The following PPP1R15B variants were observed in gnomAD, a reference collection of about 807,000 sequenced individuals.
The protein encoded by PPP1R15B is protein phosphatase 1, regulatory (inhibitor) subunit 15B.
Under a neutral mutation model 53.9 loss-of-function variants are expected in PPP1R15B, and 31 were observed. The observed-to-expected ratio is 0.58, with a 90% CI of 0.43 to 0.78. The LOEUF (loss-of-function observed/expected upper bound fraction) is 0.78. PPP1R15B is among the 30% of genes least tolerant of loss of function. The pLI is 0.00. For synonymous variants in PPP1R15B, 345 were observed against 329.1 expected (o/e 1.05, Z -0.52); for missense variants, 928 against 849.6 (o/e 1.09, Z -1.15).
rs1674226010 is a variant in PPP1R15B, at chr1:204,404,262, T to A, written c.*1830A>T. On this transcript the variant is annotated 3_prime_UTR_variant, in exon 2 of 2. Coordinates refer to ENST00000367188, the MANE Select transcript of PPP1R15B (RefSeq NM_032833.5). ...ACTTTGAGAGGCCGAGGCGGGCGGA[T>A]CACGAGGTCAGCAGTTCAAGACCAG... 2 of 967,640 alleles carry A rather than the reference T, an allele frequency of 2.1e-6. No individual in the cohort carries two copies. Among genetic ancestry groups the A allele is most frequent in the Non-Finnish European group, 2.5e-6 (2 of 814,006 alleles). The allele number at this position is 967,640 out of a possible 1,614,324, so 59.9% of individuals were successfully genotyped here.
Position 204,404,980 on chromosome 1 carries a change from C to A in PPP1R15B, c.*1112G>T, listed in dbSNP as rs187730109. 4.9e-5 allele frequency: 48 copies of A among 984,698 alleles called. No individual in the cohort carries two copies. Among genetic ancestry groups the A allele is most frequent in the Non-Finnish European group, 1.6e-5 (13 of 828,884 alleles). The allele number at this position is 984,698 out of a possible 1,614,324, so 61.0% of individuals were successfully genotyped here. A position where few individuals can be genotyped will look rare whatever the true frequency, so the allele number is the denominator to read the frequency against. On this transcript the variant is annotated 3_prime_UTR_variant, in exon 2 of 2. Coordinates refer to ENST00000367188, the MANE Select transcript of PPP1R15B (RefSeq NM_032833.5). ...GTAAAGGCCTTGCCATTACTTCTCTCATTATTAAATAGTAGGACACAATAA... is the reference window on the plus strand; with the variant it reads ...GTAAAGGCCTTGCCATTACTTCTCTAATTATTAAATAGTAGGACACAATAA...
At position 204,404,624 on chromosome 1, in the gene PPP1R15B, T is replaced by C; in HGVS notation, c.*1468A>G. 2.0e-6 allele frequency: 2 copies of C among 985,532 alleles called. No individual in the cohort carries two copies. The highest frequency in any genetic ancestry group is 2.4e-6 in the Non-Finnish European group (2 of 829,720). The allele number at this position is 985,532 out of a possible 1,614,324, so 61.0% of individuals were successfully genotyped here. On this transcript the variant is annotated 3_prime_UTR_variant, in exon 2 of 2. Transcript: ENST00000367188. The stretch of plus-strand genomic sequence containing the variant: ...GGCAGTTCTTAGAACTGGATAGAAA[T>C]AAAATAATGACCAGGTAGATTGTAA...
Position 204,410,527 on chromosome 1 carries a change from A to G in PPP1R15B, c.885T>C (p.His295=), listed in dbSNP as rs913430361. 2 of 1,614,106 alleles carry G rather than the reference A, an allele frequency of 1.2e-6. No homozygotes were observed. Among genetic ancestry groups the G allele is most frequent in the Admixed American group, 1.7e-5 (1 of 60,014 alleles). The change falls in exon 1 of 2, where the codon CAT becomes CAC. Residue 295 remains histidine (H), a synonymous_variant. Coordinates refer to ENST00000367188, the MANE Select transcript of PPP1R15B (RefSeq NM_032833.5). ...LSTEGLPEIH[H]LRMKRLEFLQ... Reference sequence around the variant, plus strand: ...GGAATTCCAGCCGTTTCATGCGAAGATGGTGAATTTCTGGTAGGCCTTCCG... The same window carrying G: ...GGAATTCCAGCCGTTTCATGCGAAGGTGGTGAATTTCTGGTAGGCCTTCCG...
rs1674243983 is a variant in PPP1R15B at position 204,405,188 on chromosome 1, C to CAG, written c.*903_*904insCT. 1.0e-6 allele frequency: 1 copy of CAG among 984,992 alleles called. No homozygotes were observed. Among genetic ancestry groups the CAG allele is most frequent in the Non-Finnish European group, 1.2e-6 (1 of 829,286 alleles). The allele number at this position is 984,992 out of a possible 1,614,324, so 61.0% of individuals were successfully genotyped here. ...CCAAAACCAAATTGCTCTGAGATGT[C>CAG]TCCTATTTTCTTTCTAGGAAATTTC... On this transcript the variant is annotated 3_prime_UTR_variant, in exon 2 of 2. Transcript: ENST00000367188.
At position 204,411,627 on chromosome 1, in the gene PPP1R15B, C is replaced by T; in HGVS notation, c.-216G>A. The T allele has an allele frequency of 1.6e-6, 1 of 616,794 alleles. No individual in the cohort carries two copies. Among genetic ancestry groups the T allele is most frequent in the Non-Finnish European group, 2.8e-6 (1 of 354,674 alleles). 38.2% of individuals were successfully genotyped at this position (616,794 alleles called of 1,614,324 possible). ...GAACAGCCCGCGCAATAGGCGGCGACTGATGCGACTTCCATCCTGGCGGGG... is the reference window on the plus strand; with the variant it reads ...GAACAGCCCGCGCAATAGGCGGCGATTGATGCGACTTCCATCCTGGCGGGG... On this transcript the variant is annotated 5_prime_UTR_variant, in exon 1 of 2. Transcript: ENST00000367188.
Position 204,405,001 on chromosome 1 carries a change from A to G in PPP1R15B, c.*1091T>C. 1 of 985,548 alleles carries G rather than the reference A, an allele frequency of 1.0e-6. No individual in the cohort carries two copies. Among genetic ancestry groups the G allele is most frequent in the Non-Finnish European group, 1.2e-6 (1 of 829,636 alleles). 61.1% of individuals were successfully genotyped at this position (985,548 alleles called of 1,614,324 possible). ...CTCTCATTATTAAATAGTAGGACACAATAAACCTGGATATTGACTGAAGTT... is the reference window on the plus strand; with the variant it reads ...CTCTCATTATTAAATAGTAGGACACGATAAACCTGGATATTGACTGAAGTT... On this transcript the variant is annotated 3_prime_UTR_variant, in exon 2 of 2. Coordinates refer to ENST00000367188, the MANE Select transcript of PPP1R15B (RefSeq NM_032833.5).
At chr1:204,402,272 G>C (rs1220142306), downstream of PPP1R15B, among the ~76,000 whole-genome samples, 2 of 152,154 alleles carry the variant, frequency 1.3e-5, no homozygotes, top group Non-Finnish European at 2.9e-5. Context: ...CCTGAATTAA[G>C]AGTGCTATTA....
At chr1:204,401,563 T>G (rs1674179025), downstream of PPP1R15B, among the ~76,000 whole-genome samples, 1 of 152,238 alleles carries the variant, frequency 6.6e-6, no homozygotes, top group South Asian at 2.1e-4. Flanking sequence ...CTGTATTAGA[T>G]GCTTTTATAA....
At chr1:204,402,390 A>G (rs566876859), downstream of PPP1R15B, among the ~76,000 whole-genome samples, 26 of 152,114 alleles carry the variant, frequency 1.7e-4, no homozygotes, top group Admixed American at 1.6e-3. Flanking sequence ...AATGATCCAT[A>G]TATCTAGTAT....
downstream of PPP1R15B, among the ~76,000 whole-genome samples, chr1:204,396,920 G>A (rs1449920127): frequency 1.3e-5 from 2 of 152,178 alleles, no homozygotes; most frequent in Non-Finnish European, 2.9e-5. Context: ...TTGGCCAGGT[G>A]AGGTGGCTCA....
At chr1:204,400,228 C>T (rs1305968760), downstream of PPP1R15B, among the ~76,000 whole-genome samples, 1 of 111,372 alleles carries the variant, frequency 9.0e-6, no homozygotes, top group Non-Finnish European at 1.9e-5. Flanking sequence ...GACAGTGAGA[C>T]ACTGTCTCAA....
Position 204,405,782 on chromosome 1 carries a change from A to T in PPP1R15B, c.*310T>A, listed in dbSNP as rs952971197. ...TGTTTTCCAAGAAAATAAGTTTTGA[A>T]AGTGCAAAATGACAACTCAAAAAGG... On this transcript the variant is annotated 3_prime_UTR_variant, in exon 2 of 2. Coordinates refer to ENST00000367188, the MANE Select transcript of PPP1R15B (RefSeq NM_032833.5). 1.1e-5 allele frequency: 12 copies of T among 1,058,500 alleles called. No homozygotes were observed. The Admixed American group carries it at 2.9e-4, about 26-fold the overall frequency. 65.6% of individuals were successfully genotyped at this position (1,058,500 alleles called of 1,614,324 possible). A position where few individuals can be genotyped will look rare whatever the true frequency, so the allele number is the denominator to read the frequency against.
chr1:204,411,645 T>A lies in PPP1R15B; in HGVS notation c.-234A>T. 1 of 598,796 alleles carries A rather than the reference T, an allele frequency of 1.7e-6. No individual in the cohort carries two copies. The allele number at this position is 598,796 out of a possible 1,614,324, so 37.1% of individuals were successfully genotyped here. ...GCGGCGACTGATGCGACTTCCATCC[T>A]GGCGGGGAAGGAGGTTCCCTAGTCG... On this transcript the variant is annotated 5_prime_UTR_variant, in exon 1 of 2. Coordinates refer to ENST00000367188, the MANE Select transcript of PPP1R15B (RefSeq NM_032833.5).
chr1:204,402,004 C>T (rs529055808), downstream of PPP1R15B, among the ~76,000 whole-genome samples: 39 of 152,276 alleles, frequency 2.6e-4, no homozygotes, highest in Admixed American at 2.2e-3. Context: ...AGAAAAATAA[C>T]ACAATTTCTA....
chr1:204,395,906 TTATA>T (rs2103436698), downstream of PPP1R15B, among the ~76,000 whole-genome samples: 2 of 152,358 alleles, frequency 1.3e-5, no homozygotes, highest in South Asian at 4.1e-4. Context: ...GTTTATATGT[TTATA>T]TATGTAGTCA....
At position 204,411,094 on chromosome 1, in the gene PPP1R15B, C is replaced by A; in HGVS notation, c.318G>T (p.Leu106=). 1 of 1,614,202 alleles carries A rather than the reference C, an allele frequency of 6.2e-7. No homozygotes were observed. The highest frequency in any genetic ancestry group is 8.5e-7 in the Non-Finnish European group (1 of 1,180,022). ...WLDFAGVYSA[L]RALKGREKPA... The stretch of plus-strand genomic sequence containing the variant: ...GTTTCTCCCGTCCCTTCAGGGCTCT[C>A]AGGGCGCTGTAGACTCCAGCAAAAT... Residue 106 remains leucine (L), a synonymous_variant, in exon 1 of 2, where the codon CTG becomes CTT. Transcript: ENST00000367188.
chr1:204,400,977 G>A (rs1343371877), downstream of PPP1R15B, among the ~76,000 whole-genome samples: 1 of 152,176 alleles, frequency 6.6e-6, no homozygotes, highest in African/African-American at 2.4e-5. Flanking sequence ...TAGATCTCTA[G>A]GGTATCCTCC....
chr1:204,404,857 CA>C lies in PPP1R15B; in HGVS notation c.*1234del, dbSNP rs1674237878. The C allele has an allele frequency of 2.0e-6, 2 of 985,626 alleles. No individual in the cohort carries two copies. Among genetic ancestry groups the C allele is most frequent in the Non-Finnish European group, 2.4e-6 (2 of 829,840 alleles). The allele number at this position is 985,626 out of a possible 1,614,324, so 61.1% of individuals were successfully genotyped here. A position where few individuals can be genotyped will look rare whatever the true frequency, so the allele number is the denominator to read the frequency against. On this transcript the variant is annotated 3_prime_UTR_variant, in exon 2 of 2. Coordinates refer to ENST00000367188, the MANE Select transcript of PPP1R15B (RefSeq NM_032833.5). ...TAAAGCTAAACAAATAAACCAAACA[CA>C]AACAGTCAATGCAAAGACTTCAATT...
chr1:204,409,599 G>C lies in PPP1R15B; in HGVS notation c.1813C>G (p.Leu605Val). The change falls in exon 1 of 2, where the codon CTT (leucine) becomes GTT (valine). Residue 605 changes from leucine to valine, a missense_variant. Physicochemically the swap from Leu to Val is conservative, Grantham distance 32. Transcript: ENST00000367188. ...CCCAACAGCTGCACCTTACAAGAAAGTAAGGTGTGACACTCAGAAATGGCC... is the reference window on the plus strand; with the variant it reads ...CCCAACAGCTGCACCTTACAAGAAACTAAGGTGTGACACTCAGAAATGGCC... ...IVAISECHTL[L>V]SCKVQLLGSQ... 1 of 1,614,182 alleles carries C rather than the reference G, an allele frequency of 6.2e-7. No homozygotes were observed. The highest frequency in any genetic ancestry group is 8.5e-7 in the Non-Finnish European group (1 of 1,180,030).
Sources: gnomAD v4.1 joint callset for allele counts (sites outside exome capture counted in the v4.1 genomes callset) on GRCh38, gnomAD v4.1.1 for gene constraint, MANE v1.5 for transcripts, NCBI Gene and HGNC (gene_info 2026-07-23, HGNC 2026-07-21) for gene names.